CHRM3: variants seen among roughly 807,000 people sequenced by gnomAD.
CHRM3 encodes the protein cholinergic receptor muscarinic 3.
Under a neutral mutation model 41.8 loss-of-function variants are expected in CHRM3, and 11 were observed. That is an observed-to-expected ratio of 0.26 (90% CI 0.17 to 0.44). The LOEUF is 0.44. Among genes scored for constraint, CHRM3 ranks in the 20% least tolerant of loss-of-function variants. The pLI is 1.00. For synonymous variants in CHRM3, 297 were observed against 301.4 expected (o/e 0.99, Z 0.15); for missense variants, 571 against 745.4 (o/e 0.77, Z 2.72).
chr1:239,789,223 A>G (rs1669150678), intron 5 of CHRM3, among the ~76,000 whole-genome samples: 2 of 152,182 alleles, frequency 1.3e-5, no homozygotes, highest in Admixed American at 1.3e-4. Context: ...GTCATGTCTC[A>G]CTGGCCAGTG....
chr1:239,682,054 C>T (rs1039647998), intron 5 of CHRM3, among the ~76,000 whole-genome samples: 2 of 152,146 alleles, frequency 1.3e-5, no homozygotes, highest in African/African-American at 2.4e-5. Flanking sequence ...AAAAAAACAG[C>T]TGATCTTTTA....
At chr1:239,494,173 T>C (rs1667733831) in intron 2 of CHRM3, among the ~76,000 whole-genome samples, 2 of 152,156 alleles carry the variant, frequency 1.3e-5, no homozygotes, top group Admixed American at 1.3e-4. Context: ...GGCTGTGGAA[T>C]GGGGTGATAA....
intron 3 of CHRM3, among the ~76,000 whole-genome samples, chr1:239,597,383 TA>T: frequency 6.6e-6 from 1 of 152,206 alleles, no homozygotes; most frequent in South Asian, 2.1e-4. Context: ...CATGACAGCA[TA>T]ACCATCAGTA....
intron 1 of CHRM3, among the ~76,000 whole-genome samples, chr1:239,430,675 A>G (rs1256275423): frequency 2.8e-5 from 1 of 35,224 alleles, no homozygotes; most frequent in Non-Finnish European, 7.9e-5. Flanking sequence ...CACATACTAG[A>G]TATATATATA....
intron 2 of CHRM3, among the ~76,000 whole-genome samples, chr1:239,542,409 T>A (rs1012320532): frequency 8.5e-5 from 13 of 152,132 alleles, no homozygotes; most frequent in African/African-American, 3.1e-4. Context: ...AGGAGAGAAC[T>A]GAATATCTGG....
At chr1:239,437,994 T>C (rs1663407671) in intron 1 of CHRM3, among the ~76,000 whole-genome samples, 1 of 152,078 alleles carries the variant, frequency 6.6e-6, no homozygotes, top group Non-Finnish European at 1.5e-5. Context: ...TTGTAGGGAA[T>C]GGAGGGATCA....
At position 239,387,395 on chromosome 1, in the gene CHRM3, CT is replaced by C. The variant is rs1389288269; in HGVS notation, c.-521+169del. ...AGGGGCTGGGTAGGGACGAGAGAGG[CT>C]GTTGATTTGGGGAAGATGGGGGCAC... On this transcript the variant is annotated intron_variant, in intron 1 of 6. Coordinates refer to ENST00000676153, the MANE Select transcript of CHRM3 (RefSeq NM_001375978.1). The surrounding 1 kb of genome is among the most constrained non-coding windows in gnomAD (Gnocchi z 5.1). 3.9e-5 allele frequency among the ~76,000 whole-genome samples: 6 copies of C among 151,910 alleles called. No individual in the cohort carries two copies. The highest frequency in any genetic ancestry group is 1.5e-4 in the African/African-American group (6 of 41,364).
intron 6 of CHRM3, among the ~76,000 whole-genome samples, chr1:239,894,763 A>G (rs1678855220): frequency 6.6e-6 from 1 of 151,946 alleles, no homozygotes; most frequent in Non-Finnish European, 1.5e-5. Context: ...AGCTTAACCC[A>G]CCAACAACTG....
chr1:239,679,795 G>A (rs778939434), intron 5 of CHRM3, among the ~76,000 whole-genome samples: 8 of 152,058 alleles, frequency 5.3e-5, no homozygotes, highest in Non-Finnish European at 1.0e-4. Flanking sequence ...AATCAGGACA[G>A]TTCACATAAA....
intron 1 of CHRM3, among the ~76,000 whole-genome samples, chr1:239,400,358 T>G (rs765410475): frequency 6.6e-6 from 1 of 152,232 alleles, no homozygotes; most frequent in Non-Finnish European, 1.5e-5. Flanking sequence ...TATTAATCCC[T>G]TGTCAGATGG....
chr1:239,731,685 A>T (rs1288922891), intron 5 of CHRM3, among the ~76,000 whole-genome samples: 4 of 151,962 alleles, frequency 2.6e-5, no homozygotes, highest in African/African-American at 9.7e-5. Flanking sequence ...TCCCCTTTTG[A>T]ATATCTGGCA....
intron 2 of CHRM3, among the ~76,000 whole-genome samples, chr1:239,533,987 G>C (rs1657945381): frequency 6.6e-6 from 1 of 152,052 alleles, no homozygotes; most frequent in Non-Finnish European, 1.5e-5. Context: ...GCTAGTTATG[G>C]GGAGGCTCTC....
chr1:239,820,649 A>G (rs1198212867), intron 5 of CHRM3, among the ~76,000 whole-genome samples: 1 of 152,138 alleles, frequency 6.6e-6, no homozygotes, highest in Non-Finnish European at 1.5e-5. Flanking sequence ...ACAAAGTGCC[A>G]TATTTTGGGG....
intron 1 of CHRM3, among the ~76,000 whole-genome samples, chr1:239,425,389 A>G (rs948584641): frequency 2.6e-5 from 4 of 151,992 alleles, no homozygotes; most frequent in African/African-American, 9.7e-5. Flanking sequence ...TGCAAATCTC[A>G]ATTTTCCTTT....
chr1:239,701,142 T>C (rs1277456592), intron 5 of CHRM3, among the ~76,000 whole-genome samples: 1 of 152,220 alleles, frequency 6.6e-6, no homozygotes, highest in Non-Finnish European at 1.5e-5. Flanking sequence ...AGTTCTCCAC[T>C]CTTTTACTTG....
At chr1:239,451,523 G>A (rs1664552488) in intron 1 of CHRM3, among the ~76,000 whole-genome samples, 1 of 152,098 alleles carries the variant, frequency 6.6e-6, no homozygotes, top group Non-Finnish European at 1.5e-5. Context: ...TTCCCCACTG[G>A]TGTACCGGGG....
At chr1:239,759,437 A>C (rs912603604) in intron 5 of CHRM3, among the ~76,000 whole-genome samples, 2 of 152,002 alleles carry the variant, frequency 1.3e-5, no homozygotes, top group African/African-American at 2.4e-5. Flanking sequence ...GCCGCAGCAA[A>C]GGAAATCACA....
chr1:239,558,546 C>A (rs758620853), intron 3 of CHRM3, among the ~76,000 whole-genome samples: 1 of 152,182 alleles, frequency 6.6e-6, no homozygotes, highest in African/African-American at 2.4e-5. Flanking sequence ...TCAGCTTAAC[C>A]TTGACCATAT....
intron 4 of CHRM3, among the ~76,000 whole-genome samples, chr1:239,654,299 G>A (rs1325238468): frequency 6.6e-6 from 1 of 152,154 alleles, no homozygotes; most frequent in Non-Finnish European, 1.5e-5. Context: ...CAGTTGCACA[G>A]GATTGGAGGG....
Sources: gnomAD v4.1 joint callset for allele counts (sites outside exome capture counted in the v4.1 genomes callset) on GRCh38, gnomAD v4.1.1 for gene constraint, Gnocchi (gnomAD v3.1) non-coding constraint, MANE v1.5 for transcripts, NCBI Gene and HGNC (gene_info 2026-07-23, HGNC 2026-07-21) for gene names.